WDPCP: variants seen among roughly 807,000 people sequenced by gnomAD.
WDPCP encodes the protein WD repeat containing planar cell polarity effector.
In WDPCP, 71 loss-of-function variants were observed where a neutral mutation model predicts 93.1. That is an observed-to-expected ratio of 0.76 (90% CI 0.63 to 0.93). The LOEUF (loss-of-function observed/expected upper bound fraction) is 0.93, where lower values mean the gene tolerates loss of function less well. WDPCP is among the 40% of genes least tolerant of loss of function. The pLI is 0.00. For synonymous variants in WDPCP, 315 were observed against 315.0 expected (o/e 1.00, Z 0.00); for missense variants, 844 against 887.4 (o/e 0.95, Z 0.62).
intron 6 of WDPCP, among the ~76,000 whole-genome samples, chr2:63,455,668 C>T (rs1698576989): frequency 6.6e-6 from 1 of 152,064 alleles, no homozygotes; most frequent in Admixed American, 6.6e-5. Context: ...CACTAGTGCA[C>T]CCAGATTCAT....
At chr2:63,685,425 G>A (rs1668791417) in intron 2 of WDPCP, among the ~76,000 whole-genome samples, 1 of 152,130 alleles carries the variant, frequency 6.6e-6, no homozygotes, top group South Asian at 2.1e-4. Context: ...AACCTGAACA[G>A]ACCAATAACA....
intron 14 of WDPCP, among the ~76,000 whole-genome samples, chr2:63,227,575 G>C (rs545962076): frequency 7.2e-5 from 11 of 152,062 alleles, no homozygotes; most frequent in Admixed American, 2.6e-4. Flanking sequence ...AATGGCAGTG[G>C]ACTTAAAAAG....
intron 3 of WDPCP, among the ~76,000 whole-genome samples, chr2:63,596,159 C>G (rs1252145885): frequency 6.6e-6 from 1 of 152,110 alleles, no homozygotes; most frequent in Non-Finnish European, 1.5e-5. Context: ...TTAAAATATT[C>G]TAAATTAATT....
chr2:63,695,972 C>G lies in WDPCP; in HGVS notation n.309-45134G>C, dbSNP rs541726807. On this transcript the variant is annotated intron_variant and non_coding_transcript_variant, in intron 2 of 4. Transcript: ENST00000467687. The stretch of plus-strand genomic sequence containing the variant: ...CAAAGACCCCCTGGCACCAGGTTAA[C>G]TGACCATTTGATTTGGAGATGGTTG... 5.3e-5 allele frequency among the ~76,000 whole-genome samples: 8 copies of G among 152,292 alleles called. No individual in the cohort carries two copies. The East Asian group carries it at 1.3e-3, about 26-fold the overall frequency.
chr2:63,126,679 T>TG (rs1428966590), intron 17 of WDPCP, among the ~76,000 whole-genome samples: 13 of 148,784 alleles, frequency 8.7e-5, no homozygotes, highest in Non-Finnish European at 1.6e-4. Context: ...TTTTTTTTTT[T>TG]TTTTTTTTTT....
chr2:63,134,819 TG>T (rs1205301912), intron 17 of WDPCP, among the ~76,000 whole-genome samples: 1 of 152,216 alleles, frequency 6.6e-6, no homozygotes, highest in African/African-American at 2.4e-5. Context: ...TCCATTTAAA[TG>T]TGTTTTTCAA....
At chr2:63,145,756 A>G (rs766537608) in intron 17 of WDPCP, among the ~76,000 whole-genome samples, 3 of 152,220 alleles carry the variant, frequency 2.0e-5, no homozygotes, top group Non-Finnish European at 2.9e-5. Flanking sequence ...TCTCAGTGGT[A>G]GTTTAATAGA....
intron 2 of WDPCP, among the ~76,000 whole-genome samples, chr2:63,673,035 G>C (rs576533358): frequency 6.6e-6 from 1 of 152,282 alleles, no homozygotes; most frequent in South Asian, 2.1e-4. Flanking sequence ...TTACAGGTGT[G>C]AGCCATTGCT....
intron 2 of WDPCP, among the ~76,000 whole-genome samples, chr2:63,761,925 T>C (rs1670061129): frequency 1.3e-5 from 2 of 152,194 alleles, no homozygotes; most frequent in South Asian, 4.1e-4. Flanking sequence ...ACACATCTTC[T>C]TTTGGGCTGG....
chr2:63,200,003 G>C (rs1675776389), intron 14 of WDPCP, among the ~76,000 whole-genome samples: 1 of 152,210 alleles, frequency 6.6e-6, no homozygotes. Flanking sequence ...ATGGAGTCAA[G>C]GGAGATTATT....
rs141784941 is a variant in WDPCP at position 63,242,579 on chromosome 2, G to A, written c.1915+16728C>T. On this transcript the variant is annotated intron_variant, in intron 14 of 17. Coordinates refer to ENST00000272321, the MANE Select transcript of WDPCP (RefSeq NM_015910.7). ...TGAGGCTGCAGTGAGCTATGATGGC[G>A]CCACTGCACTCTAGCCGTGGCAACA... Among the ~76,000 whole-genome samples, 203 of 152,248 alleles carry A rather than the reference G, an allele frequency of 1.3e-3. 1 individual carries two copies. In the East Asian group the frequency reaches 0.029, roughly 22 times the overall value.
At chr2:63,351,524 G>A (rs1351843180) in intron 12 of WDPCP, among the ~76,000 whole-genome samples, 3 of 152,030 alleles carry the variant, frequency 2.0e-5, no homozygotes, top group Non-Finnish European at 2.9e-5. Context: ...GAGAATATGT[G>A]GCACTTGGTT....
chr2:63,782,163 T>A (rs1185747382), intron 2 of WDPCP, among the ~76,000 whole-genome samples: 1 of 151,938 alleles, frequency 6.6e-6, no homozygotes, highest in Non-Finnish European at 1.5e-5. Flanking sequence ...AAAAATCAAC[T>A]CAAGATGGAT....
intron 1 of WDPCP, among the ~76,000 whole-genome samples, chr2:63,567,634 C>T (rs564429043): frequency 7.9e-5 from 12 of 152,304 alleles, no homozygotes; most frequent in Admixed American, 5.2e-4. Flanking sequence ...CTAAAAGAGG[C>T]GTTCCCCAAT....
At position 63,536,773 on chromosome 2, in the gene WDPCP, C is replaced by CT. The variant is rs58661370; in HGVS notation, c.76-43834dup. Among the ~76,000 whole-genome samples the CT allele has an allele frequency of 3.0e-3, 283 of 93,606 alleles. 8 individuals carry two copies. Among genetic ancestry groups the CT allele is most frequent in the Admixed American group, 6.1e-3 (43 of 6,996 alleles). 61.4% of individuals were successfully genotyped at this position (93,606 alleles called of 152,430 possible). On this transcript the variant is annotated intron_variant, in intron 1 of 17. Transcript: ENST00000272321. Reference sequence around the variant, plus strand: ...TGGTAAAAATCTCAGATTCTTCATGCTTTTTTTTTTTTTTTTGATGGAATC... The same window carrying CT: ...TGGTAAAAATCTCAGATTCTTCATGCTTTTTTTTTTTTTTTTTGATGGAATC...
chr2:63,586,595 G>T (rs546574421), intron 1 of WDPCP, among the ~76,000 whole-genome samples: 1 of 152,324 alleles, frequency 6.6e-6, no homozygotes, highest in Admixed American at 6.5e-5. Flanking sequence ...TTCTCTTGCA[G>T]TGTATTATAT....
At chr2:63,808,498 C>T (rs77271678) in intron 2 of WDPCP, among the ~76,000 whole-genome samples, 6 of 152,232 alleles carry the variant, frequency 3.9e-5, no homozygotes, top group East Asian at 3.9e-4. Context: ...CGCGCTGCCA[C>T]GCCTGACTGG....
chr2:63,721,441 T>C (rs1669410921), intron 2 of WDPCP, among the ~76,000 whole-genome samples: 1 of 152,216 alleles, frequency 6.6e-6, no homozygotes, highest in African/African-American at 2.4e-5. Flanking sequence ...GACCACCATC[T>C]TTCCCACTTG....
intron 1 of WDPCP, among the ~76,000 whole-genome samples, chr2:63,527,566 T>C (rs1558757906): frequency 6.6e-6 from 1 of 152,090 alleles, no homozygotes; most frequent in Non-Finnish European, 1.5e-5. Context: ...TTTTTATGGC[T>C]GCATAGTATT....
Sources: allele counts gnomAD v4.1 joint callset (sites outside exome capture counted in the v4.1 genomes callset), GRCh38; gene constraint gnomAD v4.1.1; transcripts MANE v1.5; gene names NCBI Gene and HGNC (gene_info 2026-07-23, HGNC 2026-07-21).